CAST: variants seen among roughly 807,000 people sequenced by gnomAD.
The protein encoded by CAST is calpastatin.
A neutral mutation model predicts 119.6 loss-of-function variants in CAST; 76 were observed. The ratio of observed to expected loss-of-function variants is 0.64; its 90% CI spans 0.53 to 0.77. The LOEUF (loss-of-function observed/expected upper bound fraction) is 0.77. Among genes scored for constraint, CAST ranks in the 30% least tolerant of loss-of-function variants. The probability of loss-of-function intolerance (pLI) is 0.00; values close to 1 mark genes in which losing one functional copy is unlikely to be tolerated. For missense variants in CAST, 953 were observed against 946.5 expected (o/e 1.01, Z -0.09); for synonymous variants, 319 against 331.6 (o/e 0.96, Z 0.41).
At chr5:96,302,194 G>A in the CAST span, among the ~76,000 whole-genome samples, 2 of 152,254 alleles carry the variant, frequency 1.3e-5, no homozygotes, top group East Asian at 1.9e-4. Flanking sequence ...TGTATCTGGG[G>A]TCCTTTTAGC....
rs1768688563 is a variant in CAST at position 96,763,348 on chromosome 5, G to GTGTGTA, written c.1932+981_1932+986dup. ...TTAAAACCAGTAAAATGCCCCGTGT[G>GTGTGTA]TGTGTATGTGCATGTGCATGTGCAT... On this transcript the variant is annotated intron_variant, in intron 25 of 31. Transcript: ENST00000675179. 6.7e-6 allele frequency: 5 copies of GTGTGTA among 744,182 alleles called. 1 individual carries two copies. Among genetic ancestry groups the GTGTGTA allele is most frequent in the African/African-American group, 1.7e-5 (1 of 58,192 alleles). 46.1% of individuals were successfully genotyped at this position (744,182 alleles called of 1,614,324 possible). A position where few individuals can be genotyped will look rare whatever the true frequency, so the allele number is the denominator to read the frequency against.
At chr5:96,057,245 A>G in the CAST span, among the ~76,000 whole-genome samples, 1 of 152,208 alleles carries the variant, frequency 6.6e-6, no homozygotes, top group Non-Finnish European at 1.5e-5. Context: ...GGCAGAACTT[A>G]AAATATGTTA....
At chr5:96,069,655 CTTTTTTTTTTTT>C in the CAST span, among the ~76,000 whole-genome samples, 8 of 78,398 alleles carry the variant, frequency 1.0e-4, no homozygotes, top group South Asian at 4.2e-3. Context: ...GGTAATTAAA[CTTTTTTTTTTTT>C]TTTTTTTTTT....
At chr5:96,596,541 A>G (rs1747054114) in intron 1 of CAST, among the ~76,000 whole-genome samples, 1 of 152,206 alleles carries the variant, frequency 6.6e-6, no homozygotes, top group African/African-American at 2.4e-5. Flanking sequence ...CAGCAAAAAT[A>G]GGAAACTAAA....
chr5:96,113,240 A>T, the CAST span, among the ~76,000 whole-genome samples: 1 of 152,204 alleles, frequency 6.6e-6, no homozygotes, highest in South Asian at 2.1e-4. Flanking sequence ...TCCTTCACCT[A>T]AAATGCACCA....
chr5:96,556,327 A>C (rs2570460), intron 1 of CAST, among the ~76,000 whole-genome samples: 151,704 of 152,324 alleles, frequency 1, 75,551 homozygotes, highest in Middle Eastern at 1. Context: ...AGGAATGCAG[A>C]TCCTCACCAG....
At chr5:95,966,223 G>T in the CAST span, among the ~76,000 whole-genome samples, 2 of 152,146 alleles carry the variant, frequency 1.3e-5, no homozygotes, top group Non-Finnish European at 2.9e-5. Context: ...TGGGGGTAGG[G>T]TTAAGTGGCA....
chr5:96,034,643 C>G, the CAST span, among the ~76,000 whole-genome samples: 1 of 151,386 alleles, frequency 6.6e-6, no homozygotes, highest in Non-Finnish European at 1.5e-5. Context: ...CATCCACTCT[C>G]TTAGCATTTT....
chr5:96,183,042 G>A, the CAST span, among the ~76,000 whole-genome samples: 5 of 152,108 alleles, frequency 3.3e-5, no homozygotes, highest in African/African-American at 1.2e-4. Context: ...GGGAGGCTGA[G>A]GCAGGAGAAT....
chr5:96,201,083 G>A, the CAST span, among the ~76,000 whole-genome samples: 1 of 151,760 alleles, frequency 6.6e-6, no homozygotes. Flanking sequence ...AATAAATGTT[G>A]GTGAATTAGT....
chr5:96,531,933 A>G (rs1745696864), intron 1 of CAST, among the ~76,000 whole-genome samples: 1 of 152,194 alleles, frequency 6.6e-6, no homozygotes, highest in Non-Finnish European at 1.5e-5. Flanking sequence ...GTAGGACAAA[A>G]AGTCAAAGAG....
chr5:96,148,884 G>C, the CAST span, among the ~76,000 whole-genome samples: 260 of 152,334 alleles, frequency 1.7e-3, 1 homozygote, highest in Middle Eastern at 3.4e-3. Context: ...CCTTGGTCAC[G>C]TCACTTAGCA....
the CAST span, among the ~76,000 whole-genome samples, chr5:95,964,820 T>C: frequency 6.6e-6 from 1 of 151,618 alleles, no homozygotes. Flanking sequence ...TGAGTAGCTA[T>C]GGATTAGATT....
chr5:96,756,191 C>T (rs193216182), intron 22 of CAST, among the ~76,000 whole-genome samples: 6 of 152,228 alleles, frequency 3.9e-5, no homozygotes, highest in Middle Eastern at 3.4e-3. Flanking sequence ...TTTGGCTCCC[C>T]GAGGGCAGGC....
the CAST span, among the ~76,000 whole-genome samples, chr5:96,032,234 A>G: frequency 6.6e-6 from 1 of 152,148 alleles, no homozygotes; most frequent in East Asian, 1.9e-4. Flanking sequence ...ATGGGATTGT[A>G]TTTGGAATAC....
the CAST span, among the ~76,000 whole-genome samples, chr5:96,116,257 T>C: frequency 1.3e-5 from 2 of 152,174 alleles, no homozygotes; most frequent in Non-Finnish European, 2.9e-5. Flanking sequence ...GAGATCCATC[T>C]GTATTATTGT....
At chr5:96,350,977 T>C in the CAST span, among the ~76,000 whole-genome samples, 4 of 152,302 alleles carry the variant, frequency 2.6e-5, no homozygotes, top group South Asian at 8.3e-4. Flanking sequence ...CATTTTTCTG[T>C]GGTCTGAAAC....
rs756412402 is a variant in CAST, at chr5:96,767,994, G to C, written c.2263G>C (p.Ala755Pro). Residue 755 changes from alanine (A) to proline (P), a missense_variant, in exon 29 of 32, where the codon GCA becomes CCA. By Grantham distance (27) the Ala-to-Pro change is conservative. Coordinates refer to ENST00000675179, the MANE Select transcript of CAST (RefSeq NM_001750.7). The stretch of plus-strand genomic sequence containing the variant: ...CACTACAGAAACCTCACAGAACACA[G>C]CAAAGGTACTGTGCTTTTTCACATT... ...PSTTETSQNT[A>P]KDKCKKAASS... 3.7e-6 allele frequency: 6 copies of C among 1,601,482 alleles called. No homozygotes were observed. In the South Asian group the frequency reaches 6.6e-5, roughly 18 times the overall value.
At chr5:96,755,587 T>C (rs1359419715) in intron 22 of CAST, among the ~76,000 whole-genome samples, 2 of 152,170 alleles carry the variant, frequency 1.3e-5, no homozygotes, top group East Asian at 3.9e-4. Flanking sequence ...AGTTGAACAA[T>C]GTCAGTCATC....
Sources: gnomAD v4.1 joint callset for allele counts (sites outside exome capture counted in the v4.1 genomes callset) on GRCh38, gnomAD v4.1.1 for gene constraint, MANE v1.5 for transcripts, NCBI Gene and HGNC (gene_info 2026-07-23, HGNC 2026-07-21) for gene names.